Variants in KAZN observed in about 807,000 individuals in gnomAD.
The protein encoded by KAZN is kazrin, periplakin interacting protein, also known as kazrin.
KAZN carries 40 observed loss-of-function variants against 87.4 expected under a neutral mutation model. The ratio of observed to expected loss-of-function variants is 0.46; its 90% CI spans 0.36 to 0.60. KAZN has a LOEUF of 0.60. Ranked by LOEUF, KAZN falls within the 20% of genes least tolerant of loss-of-function variation. The probability of loss-of-function intolerance (pLI) is 0.00; values close to 1 mark genes in which losing one functional copy is unlikely to be tolerated. For synonymous variants in KAZN, 466 were observed against 458.3 expected (o/e 1.02, Z -0.22); for missense variants, 898 against 1,073.9 (o/e 0.84, Z 2.29).
chr1:14,517,665 G>A (rs1170217062), intron 2 of KAZN, among the ~76,000 whole-genome samples: 1 of 152,214 alleles, frequency 6.6e-6, no homozygotes, highest in Admixed American at 6.5e-5. Flanking sequence ...AAATATTTGG[G>A]TAGAAAAGAA....
chr1:14,094,921 G>A (rs1644092904), intron 1 of KAZN, among the ~76,000 whole-genome samples: 1 of 152,196 alleles, frequency 6.6e-6, no homozygotes, highest in Non-Finnish European at 1.5e-5. Flanking sequence ...AGTACCAGAT[G>A]AAGATGGCAG....
At chr1:14,410,817 A>G (rs1252987310) in intron 2 of KAZN, among the ~76,000 whole-genome samples, 1 of 152,224 alleles carries the variant, frequency 6.6e-6, no homozygotes, top group Non-Finnish European at 1.5e-5. Flanking sequence ...AGCGGCCACC[A>G]GAACCCGAAA....
chr1:14,202,375 G>A (rs1373190203), intron 2 of KAZN, among the ~76,000 whole-genome samples: 1 of 152,204 alleles, frequency 6.6e-6, no homozygotes, highest in Non-Finnish European at 1.5e-5. Context: ...TATGTGACTA[G>A]CTGAGACAGC....
chr1:13,956,753 A>G (rs1465405313), intron 1 of KAZN, among the ~76,000 whole-genome samples: 3 of 152,296 alleles, frequency 2.0e-5, no homozygotes, highest in Non-Finnish European at 4.4e-5. Context: ...TTAAAAAACA[A>G]AAACCGTGGA....
At chr1:14,689,342 A>G (rs1204335872) in intron 1 of KAZN, among the ~76,000 whole-genome samples, 1 of 152,184 alleles carries the variant, frequency 6.6e-6, no homozygotes, top group Non-Finnish European at 1.5e-5. Flanking sequence ...ACTCCCACCC[A>G]AGTGATGACT....
chr1:14,046,233 C>T (rs995359882), intron 1 of KAZN, among the ~76,000 whole-genome samples: 1 of 152,122 alleles, frequency 6.6e-6, no homozygotes, highest in African/African-American at 2.4e-5. Flanking sequence ...CTCTCTCTCA[C>T]CAAATGAAAA....
intron 8 of KAZN, among the ~76,000 whole-genome samples, chr1:15,072,834 C>A (rs962295384): frequency 1.3e-5 from 2 of 151,418 alleles, no homozygotes; most frequent in East Asian, 3.9e-4. Context: ...GGCCCCAAGC[C>A]CCCTCTCAGG....
chr1:14,270,280 T>C (rs1338941603), intron 2 of KAZN, among the ~76,000 whole-genome samples: 1 of 152,150 alleles, frequency 6.6e-6, no homozygotes, highest in African/African-American at 2.4e-5. Flanking sequence ...ACTAAAACCA[T>C]GTGTGAGAAA....
chr1:14,021,131 G>T (rs769533676), intron 1 of KAZN, among the ~76,000 whole-genome samples: 1 of 152,194 alleles, frequency 6.6e-6, no homozygotes, highest in African/African-American at 2.4e-5. Context: ...TGTGGGAGTT[G>T]TTCCGTGCAT....
At chr1:14,077,913 C>A (rs1490523878) in intron 1 of KAZN, among the ~76,000 whole-genome samples, 1 of 152,166 alleles carries the variant, frequency 6.6e-6, no homozygotes, top group Non-Finnish European at 1.5e-5. Context: ...TTGCCGGCAG[C>A]CGCCTGCCAC....
chr1:14,583,504 G>A (rs888803219), intron 2 of KAZN, among the ~76,000 whole-genome samples: 32 of 152,236 alleles, frequency 2.1e-4, no homozygotes, highest in Admixed American at 2.0e-3. Context: ...TTGTCATGAT[G>A]CCTTGAGGGA....
At chr1:14,586,860 T>C (rs1263655228) in intron 2 of KAZN, among the ~76,000 whole-genome samples, 2 of 152,264 alleles carry the variant, frequency 1.3e-5, no homozygotes, top group East Asian at 3.9e-4. Context: ...ACATTTAAGT[T>C]CAAAGCAAGC....
At chr1:15,016,704 G>A (rs1374479293) in intron 2 of KAZN, among the ~76,000 whole-genome samples, 2 of 152,252 alleles carry the variant, frequency 1.3e-5, no homozygotes, top group South Asian at 2.1e-4. Context: ...TCTGCACAAG[G>A]CCCCTCCCTG....
chr1:14,895,889 G>A (rs147911113), intron 1 of KAZN, among the ~76,000 whole-genome samples: 1 of 152,286 alleles, frequency 6.6e-6, no homozygotes, highest in East Asian at 1.9e-4. Context: ...GAGGAAGAGG[G>A]GAGGCTGCTT....
At chr1:14,577,882 C>T (rs1454421865) in intron 2 of KAZN, among the ~76,000 whole-genome samples, 1 of 152,136 alleles carries the variant, frequency 6.6e-6, no homozygotes, top group Non-Finnish European at 1.5e-5. Flanking sequence ...TAGAAAGCAA[C>T]ATGATTTGCC....
chr1:14,828,356 T>C (rs1251483910), intron 1 of KAZN, among the ~76,000 whole-genome samples: 2 of 152,268 alleles, frequency 1.3e-5, no homozygotes, highest in African/African-American at 4.8e-5. Flanking sequence ...TTTATTTGAG[T>C]ATAAACAATA....
intron 2 of KAZN, among the ~76,000 whole-genome samples, chr1:14,546,882 C>T (rs1673180313): frequency 6.6e-6 from 1 of 152,166 alleles, no homozygotes; most frequent in South Asian, 2.1e-4. Context: ...TGAAGTCTTA[C>T]TTCCTGAGAT....
At chr1:14,846,000 G>T (rs994572652) in intron 1 of KAZN, among the ~76,000 whole-genome samples, 1 of 152,194 alleles carries the variant, frequency 6.6e-6, no homozygotes, top group Admixed American at 6.5e-5. Flanking sequence ...CCAGGAGTGG[G>T]CTGACTTCAG....
chr1:14,287,393 C>T (rs1004270796), intron 2 of KAZN, among the ~76,000 whole-genome samples: 3 of 152,204 alleles, frequency 2.0e-5, no homozygotes, highest in Admixed American at 2.0e-4. Context: ...ATGGGTCCTT[C>T]ACATCCCTTG....
Sources: allele counts gnomAD v4.1 joint callset (sites outside exome capture counted in the v4.1 genomes callset), GRCh38; gene constraint gnomAD v4.1.1; transcripts MANE v1.5; gene names NCBI Gene and HGNC (gene_info 2026-07-23, HGNC 2026-07-21).